The following ATL2 variants were observed in gnomAD, a reference collection of about 807,000 sequenced individuals.
The protein encoded by ATL2 is atlastin-2.
Under a neutral mutation model 73.9 loss-of-function variants are expected in ATL2, and 31 were observed. The observed-to-expected ratio is 0.42, with a 90% CI of 0.32 to 0.57. The LOEUF (loss-of-function observed/expected upper bound fraction) is 0.57, where lower values mean the gene tolerates loss of function less well. ATL2 is among the 20% of genes least tolerant of loss of function. ATL2 has a pLI of 0.14. For synonymous variants in ATL2, 291 were observed against 237.5 expected (o/e 1.23, Z -2.07); for missense variants, 738 against 702.6 (o/e 1.05, Z -0.57).
chr2:38,310,298 G>A lies in ATL2; in HGVS notation c.943+11C>T. On this transcript the variant is annotated intron_variant, in intron 8 of 12. Coordinates refer to ENST00000378954, the MANE Select transcript of ATL2 (RefSeq NM_001135673.4). ...ATAAGTTCAGATTTTAGCAAGAATG[G>A]GAATTCCCACCTTTCAATCTCCCAT... 1.2e-6 allele frequency: 2 copies of A among 1,608,430 alleles called. No individual in the cohort carries two copies. The highest frequency in any genetic ancestry group is 8.5e-7 in the Non-Finnish European group (1 of 1,178,694).
chr2:38,315,438 G>T (rs371893460), intron 4 of ATL2, 104 bp from the exon 5 acceptor site: 2 of 1,173,584 alleles, frequency 1.7e-6, no homozygotes, highest in African/African-American at 1.6e-5. Flanking sequence ...GTATCTCAGC[G>T]CAAAGGAATC....
intron 2 of ATL2, among the ~76,000 whole-genome samples, chr2:38,328,366 C>T (rs1397983860): frequency 6.6e-6 from 1 of 152,178 alleles, no homozygotes; most frequent in African/African-American, 2.4e-5. Flanking sequence ...AACAACAGCA[C>T]AATACATACT....
intron 1 of ATL2, among the ~76,000 whole-genome samples, chr2:38,375,833 T>C (rs767442367): frequency 6.6e-6 from 1 of 152,232 alleles, no homozygotes; most frequent in Non-Finnish European, 1.5e-5. Context: ...CAGTCAAGCG[T>C]TTTGGTTGGC....
chr2:38,312,310 T>C (rs1455727684), intron 7 of ATL2, among the ~76,000 whole-genome samples: 2 of 152,036 alleles, frequency 1.3e-5, no homozygotes, highest in Non-Finnish European at 2.9e-5. Context: ...GGAGCAGAAA[T>C]CCCCCTTGCT....
rs763055120 is a variant in ATL2, at chr2:38,296,092, T to G, written c.1654A>C (p.Asn552His). 1 of 1,551,226 alleles carries G rather than the reference T, an allele frequency of 6.4e-7. No homozygotes were observed. Among genetic ancestry groups the G allele is most frequent in the Non-Finnish European group, 8.7e-7 (1 of 1,146,760 alleles). The change falls in exon 13 of 13, where the codon AAT (asparagine) becomes CAT (histidine). Residue 552 changes from asparagine to histidine, a missense_variant. Transcript: ENST00000378954. Reference protein sequence around the residue: ...WEQVLKPLGDNLMEENIRQSV... With the variant: ...WEQVLKPLGDHLMEENIRQSV... The stretch of plus-strand genomic sequence containing the variant: ...TGCCTTATGTTTTCCTCCATCAAAT[T>G]ATCACCCAGGGGCTTCAATACCTGT...
intron 2 of ATL2, among the ~76,000 whole-genome samples, chr2:38,338,481 A>T (rs1669505010): frequency 6.6e-6 from 1 of 152,218 alleles, no homozygotes. Flanking sequence ...TTTTTAAAGT[A>T]AACACTTTGG....
chr2:38,298,401 A>C lies in ATL2; in HGVS notation c.1375T>G (p.Phe459Val), dbSNP rs750944317. 25 of 1,614,172 alleles carry C rather than the reference A, an allele frequency of 1.5e-5. No homozygotes were observed. The South Asian group carries it at 2.5e-4, about 16-fold the overall frequency. The change falls in exon 12 of 13, where the codon TTT becomes GTT. Residue 459 changes from phenylalanine (F) to valine (V), a missense_variant. By Grantham distance (50) the Phe-to-Val change is conservative. Transcript: ENST00000378954. Reference protein sequence around the residue: ...EAEIEETYANFIKHNDGKNIF... With the variant: ...EAEIEETYANVIKHNDGKNIF... ...TTTTTGCCATCATTGTGCTTTATAA[A>C]ATTTGCATAGGTTTCTTCAATTTCA...
chr2:38,349,639 T>C (rs889699632), intron 1 of ATL2, among the ~76,000 whole-genome samples: 3 of 151,696 alleles, frequency 2.0e-5, no homozygotes, highest in Non-Finnish European at 4.4e-5. Context: ...AACCTGCACA[T>C]TGTGCACATG....
chr2:38,317,676 T>A (rs1010116003), intron 4 of ATL2, among the ~76,000 whole-genome samples: 1 of 152,192 alleles, frequency 6.6e-6, no homozygotes, highest in African/African-American at 2.4e-5. Context: ...ACTAGACTTC[T>A]AAGCTTAATT....
chr2:38,330,538 T>G (rs1668927488), intron 2 of ATL2, among the ~76,000 whole-genome samples: 1 of 152,156 alleles, frequency 6.6e-6, no homozygotes, highest in Non-Finnish European at 1.5e-5. Flanking sequence ...TTATTGGAAC[T>G]AATGAACAAA....
intron 2 of ATL2, among the ~76,000 whole-genome samples, chr2:38,328,063 C>T (rs1668769196): frequency 6.6e-6 from 1 of 152,064 alleles, no homozygotes; most frequent in Admixed American, 6.6e-5. Flanking sequence ...CATACCATGC[C>T]AACACTAATC....
chr2:38,377,160 G>A lies in ATL2; in HGVS notation c.101C>T (p.Ser34Leu), dbSNP rs1411611703. 1.9e-6 allele frequency: 3 copies of A among 1,610,606 alleles called. No homozygotes were observed. Among genetic ancestry groups the A allele is most frequent in the African/African-American group, 1.3e-5 (1 of 74,748 alleles). ...SDPSAAVNHVSSTTSLGENYE... is the reference protein window; with the variant it reads ...SDPSAAVNHVLSTTSLGENYE... ...GCCCGTACCTAGGGAGGTCGTGGAC[G>A]AGACGTGGTTAACCGCGGCGCTTGG... is the stretch of plus-strand genomic sequence containing the variant. The change falls in exon 1 of 13, where the codon TCG (serine) becomes TTG (leucine). Residue 34 changes from serine to leucine, a missense_variant. Physicochemically the swap from Ser to Leu is moderately radical, Grantham distance 145. Coordinates refer to ENST00000378954, the MANE Select transcript of ATL2 (RefSeq NM_001135673.4).
chr2:38,369,724 A>G (rs868298092), intron 1 of ATL2, among the ~76,000 whole-genome samples: 18 of 152,144 alleles, frequency 1.2e-4, no homozygotes, highest in South Asian at 4.1e-4. Context: ...AAATAAGTAC[A>G]TAAATAAAAA....
At chr2:38,306,138 G>T (rs934473084) in intron 9 of ATL2, among the ~76,000 whole-genome samples, 1 of 152,104 alleles carries the variant, frequency 6.6e-6, no homozygotes, top group East Asian at 1.9e-4. Flanking sequence ...AAATGGGAAA[G>T]CCTAGAAGAA....
chr2:38,303,111 G>C (rs1354913924), intron 9 of ATL2, among the ~76,000 whole-genome samples: 1 of 152,052 alleles, frequency 6.6e-6, no homozygotes, highest in African/African-American at 2.4e-5. Flanking sequence ...TTCAGATAAA[G>C]TGAACAAAGA....
chr2:38,370,166 AAAAAAG>A (rs1671592043), intron 1 of ATL2, among the ~76,000 whole-genome samples: 1 of 143,156 alleles, frequency 7.0e-6, no homozygotes, highest in African/African-American at 2.9e-5. Flanking sequence ...AAAAAAAAAA[AAAAAAG>A]AAAGAAAATC....
intron 2 of ATL2, among the ~76,000 whole-genome samples, chr2:38,325,727 C>CCAGT (rs1553334572): frequency 8.2e-6 from 1 of 121,326 alleles, no homozygotes; most frequent in Non-Finnish European, 1.5e-5. Context: ...CACACACACA[C>CCAGT]ACACACACAC....
At chr2:38,320,907 G>A (rs1335603680) in intron 2 of ATL2, among the ~76,000 whole-genome samples, 1 of 152,008 alleles carries the variant, frequency 6.6e-6, no homozygotes, top group Non-Finnish European at 1.5e-5. Context: ...CACTTTGAGA[G>A]GCTGAGGCAG....
At chr2:38,357,519 T>A (rs1180166724) in intron 1 of ATL2, among the ~76,000 whole-genome samples, 1 of 150,984 alleles carries the variant, frequency 6.6e-6, no homozygotes, top group Non-Finnish European at 1.5e-5. Flanking sequence ...CTGGGCGTGG[T>A]GGCACACCTG....
Sources: allele counts gnomAD v4.1 joint callset (sites outside exome capture counted in the v4.1 genomes callset), GRCh38; gene constraint gnomAD v4.1.1; transcripts MANE v1.5; gene names NCBI Gene and HGNC (gene_info 2026-07-23, HGNC 2026-07-21).